Variants in COL4A2 observed in about 807,000 individuals in gnomAD.
The protein encoded by COL4A2 is collagen alpha-2(IV) chain.
A neutral mutation model predicts 200.2 loss-of-function variants in COL4A2; 99 were observed. The ratio of observed to expected loss-of-function variants is 0.49; its 90% CI spans 0.42 to 0.58. The LOEUF (loss-of-function observed/expected upper bound fraction) is 0.58, where lower values mean the gene tolerates loss of function less well. Ranked by LOEUF, COL4A2 falls within the 20% of genes least tolerant of loss-of-function variation. The pLI, the probability that COL4A2 is intolerant of heterozygous loss-of-function variation, is 0.00. For missense variants in COL4A2, 1,950 were observed against 2,314.1 expected, an observed-to-expected ratio of 0.84 and a Z score of 3.23; for synonymous variants, 897 against 900.6, an observed-to-expected ratio of 1.00 and a Z score of 0.07.
Position 110,357,514 on chromosome 13 carries a change from A to C in COL4A2, c.142A>C (p.Ser48Arg). 1 of 1,594,262 alleles carries C rather than the reference A, an allele frequency of 6.3e-7. No individual in the cohort carries two copies. Among genetic ancestry groups the C allele is most frequent in the Non-Finnish European group, 8.6e-7 (1 of 1,168,366 alleles). Residue 48 changes from serine (S) to arginine (R), a missense_variant, in exon 4 of 48, where the codon AGT becomes CGT. Around this residue, in one of 2 missense-constraint regions of COL4A2, gnomAD observed 565 missense variants for 593.5 expected, o/e 0.95. Coordinates refer to ENST00000360467, the MANE Select transcript of COL4A2 (RefSeq NM_001846.4). ...FDVPCGGRDC[S>R]GGCQCYPEKG... ...TGTGCCGTGTGGAGGAAGAGATTGC[A>C]GTGGGGGCTGCCAGTGCTACCCTGA...
intron 4 of COL4A2, among the ~76,000 whole-genome samples, chr13:110,372,389 G>A (rs1026794711): frequency 5.9e-5 from 9 of 152,184 alleles, no homozygotes; most frequent in African/African-American, 9.7e-5. Flanking sequence ...TCAGAACCTC[G>A]TAAGTCTCTC....
intron 3 of COL4A2, among the ~76,000 whole-genome samples, chr13:110,325,538 T>C (rs1301936309): frequency 2.0e-5 from 3 of 152,054 alleles, no homozygotes; most frequent in Admixed American, 2.0e-4. Flanking sequence ...GAAATCGTAT[T>C]GGAAGATCAG....
chr13:110,423,455 G>A (rs1880339528), intron 4 of COL4A2, among the ~76,000 whole-genome samples: 1 of 152,106 alleles, frequency 6.6e-6, no homozygotes, highest in Non-Finnish European at 1.5e-5. Context: ...CGGGGGGAGG[G>A]AGAGCATCAG....
intron 3 of COL4A2, among the ~76,000 whole-genome samples, chr13:110,312,339 G>A (rs368687668): frequency 3.3e-5 from 5 of 152,142 alleles, no homozygotes; most frequent in African/African-American, 7.2e-5. Flanking sequence ...ACGACCAGGC[G>A]GCTATGTTTA....
Position 110,469,301 on chromosome 13 carries a change from G to A in COL4A2, c.2180G>A (p.Arg727His), listed in dbSNP as rs774443437. 133 of 1,593,376 alleles carry A rather than the reference G, an allele frequency of 8.3e-5. No individual in the cohort carries two copies. The highest frequency in any genetic ancestry group is 4.9e-4 in the South Asian group (43 of 87,344). Residue 727 changes from arginine to histidine, a missense_variant, in exon 28 of 48, where the codon CGT becomes CAT. Coordinates refer to ENST00000360467, the MANE Select transcript of COL4A2 (RefSeq NM_001846.4). Reference sequence around the variant, plus strand: ...AGGGGCTTGCCAGGAGACGCAGGTCGTGAAGGGTTCCCAGGACCCCCAGGT... The same window carrying A: ...AGGGGCTTGCCAGGAGACGCAGGTCATGAAGGGTTCCCAGGACCCCCAGGT... ...GPRGLPGDAG[R>H]EGFPGPPGFI...
At chr13:110,451,189 T>G (rs991849677) in intron 20 of COL4A2, among the ~76,000 whole-genome samples, 2 of 152,160 alleles carry the variant, frequency 1.3e-5, no homozygotes, top group African/African-American at 2.4e-5. Context: ...CAGGGAAACA[T>G]GCAGTCCCGC....
At chr13:110,314,734 C>T (rs898156616) in intron 3 of COL4A2, among the ~76,000 whole-genome samples, 3 of 152,190 alleles carry the variant, frequency 2.0e-5, no homozygotes, top group East Asian at 1.9e-4. Flanking sequence ...GCTGCCCATA[C>T]GCGCTCACCC....
In COL4A2 at chr13:110,436,355, A is replaced by G. The variant is rs757858788; in HGVS notation, c.813A>G (p.Pro271=). 6.2e-7 allele frequency: 1 copy of G among 1,614,030 alleles called. No homozygotes were observed. Among genetic ancestry groups the G allele is most frequent in the South Asian group, 1.1e-5 (1 of 91,060 alleles). Residue 271 remains proline (P), a synonymous_variant, in exon 13 of 48, where the codon CCA becomes CCG. Coordinates refer to ENST00000360467, the MANE Select transcript of COL4A2 (RefSeq NM_001846.4). ...IIAPTGVTFH[P]DQYKGEKGSE... ...CGCCCACAGGAGTCACCTTCCACCC[A>G]GATCAGTACAAGGTAAAGAGCAAAA...
chr13:110,340,262 G>A (rs1328849762), intron 3 of COL4A2, among the ~76,000 whole-genome samples: 1 of 152,084 alleles, frequency 6.6e-6, no homozygotes, highest in South Asian at 2.1e-4. Flanking sequence ...GATTATAGGT[G>A]CACGCCACCA....
intron 19 of COL4A2, 149 bp from the exon 20 acceptor site, chr13:110,450,156 T>C (rs1881484143): frequency 3.0e-6 from 2 of 664,452 alleles, no homozygotes; most frequent in South Asian, 1.9e-5. Flanking sequence ...AAAAGGATAA[T>C]GAACTATACC....
At chr13:110,458,387 A>ACGGCTCCCTGGAGC (rs1881864688) in intron 21 of COL4A2, 1 of 308,432 alleles carries the variant, frequency 3.2e-6, no homozygotes, top group African/African-American at 2.3e-5. Flanking sequence ...GCCCTCCCTG[A>ACGGCTCCCTGGAGC]CGGCTCCCTG....
rs752459272 is a variant in COL4A2 at position 110,450,434 on chromosome 13, C to G, written c.1319C>G (p.Pro440Arg). 9 of 1,613,774 alleles carry G rather than the reference C, an allele frequency of 5.6e-6. No individual in the cohort carries two copies. Among genetic ancestry groups the G allele is most frequent in the Admixed American group, 1.7e-5 (1 of 60,006 alleles). The stretch of plus-strand genomic sequence containing the variant: ...GGGCCTCCAGGACCCCCCGGGCTCC[C>G]TGGACCACCTGGACCTGATGGTGAG... ...KRGPPGPPGLPGPPGPDGFLF... is the reference protein window; with the variant it reads ...KRGPPGPPGLRGPPGPDGFLF... The change falls in exon 20 of 48, where the codon CCT becomes CGT. Residue 440 changes from proline (P) to arginine (R), a missense_variant. Around this residue, in one of 2 missense-constraint regions of COL4A2, gnomAD observed 565 missense variants for 593.5 expected, o/e 0.95. Transcript: ENST00000360467.
chr13:110,315,659 G>T lies in COL4A2; in HGVS notation c.99+7536G>T, dbSNP rs111781410. Among the ~76,000 whole-genome samples the T allele has an allele frequency of 4.4e-3, 676 of 152,248 alleles. 2 individuals are homozygous for T. Among genetic ancestry groups the T allele is most frequent in the African/African-American group, 0.015 (630 of 41,544 alleles). On this transcript the variant is annotated intron_variant, in intron 3 of 47. Coordinates refer to ENST00000360467, the MANE Select transcript of COL4A2 (RefSeq NM_001846.4). ...GATCCGCCTACCTCAGCCTCCCAAAGTGCTGGGATTACAGGCATGAGCCAC... is the reference window on the plus strand; with the variant it reads ...GATCCGCCTACCTCAGCCTCCCAAATTGCTGGGATTACAGGCATGAGCCAC...
intron 4 of COL4A2, among the ~76,000 whole-genome samples, chr13:110,369,717 A>G (rs954666004): frequency 1.1e-4 from 16 of 152,080 alleles, no homozygotes; most frequent in African/African-American, 3.9e-4. Context: ...TTCCCGCCTC[A>G]GCTTACAAAT....
intron 29 of COL4A2, among the ~76,000 whole-genome samples, chr13:110,475,106 A>C (rs543513889): frequency 6.6e-6 from 1 of 152,258 alleles, no homozygotes; most frequent in Admixed American, 6.5e-5. Context: ...GCTCACACAT[A>C]CACATCCAAC....
At chr13:110,426,979 T>C (rs1880492764) in intron 6 of COL4A2, among the ~76,000 whole-genome samples, 1 of 152,230 alleles carries the variant, frequency 6.6e-6, no homozygotes, top group African/African-American at 2.4e-5. Flanking sequence ...AGAGTTTGAC[T>C]GAGCCTGTTG....
chr13:110,444,108 A>C (rs1407056602), intron 16 of COL4A2, among the ~76,000 whole-genome samples: 1 of 152,132 alleles, frequency 6.6e-6, no homozygotes, highest in African/African-American at 2.4e-5. Context: ...GCCTCAGAGG[A>C]ATCCTGAGTG....
intron 3 of COL4A2, among the ~76,000 whole-genome samples, chr13:110,312,361 A>G (rs1010234196): frequency 8.5e-5 from 13 of 152,210 alleles, no homozygotes; most frequent in African/African-American, 3.1e-4. Context: ...AACCAGAGAG[A>G]GAGAGGTGAA....
intron 4 of COL4A2, among the ~76,000 whole-genome samples, chr13:110,400,564 A>G (rs1440752064): frequency 6.6e-6 from 1 of 152,234 alleles, no homozygotes; most frequent in Non-Finnish European, 1.5e-5. Context: ...ATTAATGTTT[A>G]TATAGAGAAC....
Sources: allele counts gnomAD v4.1 joint callset (sites outside exome capture counted in the v4.1 genomes callset), GRCh38; gene constraint gnomAD v4.1.1; regional missense constraint gnomAD v4.1.1; transcripts MANE v1.5; gene names NCBI Gene and HGNC (gene_info 2026-07-23, HGNC 2026-07-21).